The following CLYBL variants were observed in gnomAD, a reference collection of about 807,000 sequenced individuals.
CLYBL encodes citramalyl-CoA lyase, also known as citramalyl-CoA lyase, mitochondrial.
A neutral mutation model predicts 38.9 loss-of-function variants in CLYBL; 31 were observed. The ratio of observed to expected loss-of-function variants is 0.80; its 90% CI spans 0.60 to 1.08. CLYBL has a LOEUF of 1.08. CLYBL is among the 50% of genes least tolerant of loss of function. CLYBL has a pLI of 0.00. For missense variants in CLYBL, 434 were observed against 411.6 expected, an observed-to-expected ratio of 1.05 and a Z score of -0.47; for synonymous variants, 171 against 158.6, an observed-to-expected ratio of 1.08 and a Z score of -0.59.
In CLYBL at chr13:99,870,972, G is replaced by C. The variant is rs1594235825; in HGVS notation, c.837G>C (p.Val279=). The C allele has an allele frequency of 6.2e-7, 1 of 1,613,188 alleles. No homozygotes were observed. The highest frequency in any genetic ancestry group is 2.2e-5 in the East Asian group (1 of 44,874). ...KQVIHPNQIA[V]VQEQFSPSPE... ...TGATTCACCCTAACCAAATTGCCGT[G>C]GTCCAGGAGCAGTTTTCTCCTTCCC... The change falls in exon 7 of 9, where the codon GTG becomes GTC. Residue 279 remains valine (V), a synonymous_variant. Coordinates refer to ENST00000339105, the MANE Select transcript of CLYBL (RefSeq NM_206808.5).
At chr13:99,705,222 A>G (rs931746472) in intron 1 of CLYBL, among the ~76,000 whole-genome samples, 2 of 151,950 alleles carry the variant, frequency 1.3e-5, no homozygotes, top group African/African-American at 4.8e-5. Context: ...TGAATGGGTA[A>G]CTACAATGTG....
chr13:99,671,610 C>T (rs2793785), intron 1 of CLYBL, among the ~76,000 whole-genome samples: 121,935 of 151,742 alleles, frequency 0.8, 49,086 homozygotes, highest in East Asian at 0.84. Context: ...TGAAACCTCA[C>T]CTCTACTAAA....
Position 99,831,961 on chromosome 13 carries a change from T to G in CLYBL, c.250-26900T>G, listed in dbSNP as rs114980797. Among the ~76,000 whole-genome samples the G allele has an allele frequency of 4.0e-3, 602 of 152,358 alleles. 6 individuals are homozygous for G. The highest frequency in any genetic ancestry group is 0.014 in the African/African-American group (576 of 41,586). On this transcript the variant is annotated intron_variant, in intron 2 of 8. Transcript: ENST00000339105. ...ATCTGGTCTTTTGGCCAGAATTTCT[T>G]GGCCTCTTCTCAGAGCTCTGTCTCA...
chr13:99,866,756 A>G (rs1280391241), intron 6 of CLYBL, among the ~76,000 whole-genome samples: 5 of 151,778 alleles, frequency 3.3e-5, no homozygotes, highest in Admixed American at 1.3e-4. Context: ...ATTTTGGTTG[A>G]TGGACAGAAG....
At chr13:99,885,896 G>A (rs2052338081) in intron 7 of CLYBL, among the ~76,000 whole-genome samples, 1 of 152,156 alleles carries the variant, frequency 6.6e-6, no homozygotes, top group African/African-American at 2.4e-5. Context: ...ATCCCAGGAG[G>A]CCACAGCTGG....
chr13:99,646,671 C>T (rs1015555527), intron 1 of CLYBL, among the ~76,000 whole-genome samples: 5 of 147,864 alleles, frequency 3.4e-5, no homozygotes, highest in Non-Finnish European at 5.9e-5. Flanking sequence ...CGCTACCACA[C>T]CTGGCTAATT....
chr13:99,812,478 T>C lies in CLYBL; in HGVS notation c.249+39468T>C, dbSNP rs137903852. Among the ~76,000 whole-genome samples, 12 of 152,344 alleles carry C rather than the reference T, an allele frequency of 7.9e-5. No homozygotes were observed. The East Asian group carries it at 2.3e-3, about 29-fold the overall frequency. The stretch of plus-strand genomic sequence containing the variant: ...ATGGGTTTGGGAATCAGAAGGTGGC[T>C]GGGCCAGTATTAAATGCCCCTGTGG... On this transcript the variant is annotated intron_variant, in intron 2 of 8. Transcript: ENST00000339105.
At chr13:99,609,428 G>C (rs963348722) in intron 1 of CLYBL, among the ~76,000 whole-genome samples, 1 of 152,036 alleles carries the variant, frequency 6.6e-6, no homozygotes, top group Non-Finnish European at 1.5e-5. Context: ...ACCTGCCTTG[G>C]CCTCCCAAAG....
At chr13:99,667,037 G>T (rs780053173) in intron 1 of CLYBL, among the ~76,000 whole-genome samples, 1 of 152,098 alleles carries the variant, frequency 6.6e-6, no homozygotes, top group Non-Finnish European at 1.5e-5. Flanking sequence ...TTAGAGGTCT[G>T]CTTTAGAGAG....
chr13:99,756,539 G>C (rs2049065606), intron 1 of CLYBL, among the ~76,000 whole-genome samples: 1 of 152,198 alleles, frequency 6.6e-6, no homozygotes, highest in African/African-American at 2.4e-5. Context: ...ATGTGGCCCA[G>C]GACAGCTTTG....
Position 99,763,617 on chromosome 13 carries a change from C to T in CLYBL, c.63-9207C>T, listed in dbSNP as rs754374691. Among the ~76,000 whole-genome samples the T allele has an allele frequency of 2.0e-5, 3 of 148,074 alleles. No homozygotes were observed. The East Asian group carries it at 6.0e-4, about 30-fold the overall frequency. ...TTGCCCAGGCTGTAGTGCAGTGGCACGATCTCGGCTCACTGCAACCTCCGC... is the reference window on the plus strand; with the variant it reads ...TTGCCCAGGCTGTAGTGCAGTGGCATGATCTCGGCTCACTGCAACCTCCGC... On this transcript the variant is annotated intron_variant, in intron 1 of 8. Coordinates refer to ENST00000339105, the MANE Select transcript of CLYBL (RefSeq NM_206808.5).
rs542610999 is a variant in CLYBL, at chr13:99,711,791, C to T, written c.63-61033C>T. Among the ~76,000 whole-genome samples the T allele has an allele frequency of 6.0e-5, 9 of 149,270 alleles. No homozygotes were observed. In the East Asian group the frequency reaches 8.1e-4, roughly 13 times the overall value. On this transcript the variant is annotated intron_variant, in intron 1 of 8. Transcript: ENST00000339105. Reference sequence around the variant, plus strand: ...AGTCCAGTGGTGCCATCTTGGCTCACGGCAACCTTCACCTCCTGGGTTCAA... The same window carrying T: ...AGTCCAGTGGTGCCATCTTGGCTCATGGCAACCTTCACCTCCTGGGTTCAA...
chr13:99,855,721 A>G (rs116924713), intron 2 of CLYBL, among the ~76,000 whole-genome samples: 427 of 152,190 alleles, frequency 2.8e-3, no homozygotes, highest in Non-Finnish European at 4.8e-3. Flanking sequence ...CTTCCTCCCA[A>G]CCCAACAGAT....
At chr13:99,894,736 C>CGGGGG (rs71114646), downstream of CLYBL, 8 of 24,296 alleles carry the variant, frequency 3.3e-4, no homozygotes, top group African/African-American at 1.1e-3. Flanking sequence ...TTGCCTGAGG[C>CGGGGG]GGGGGGGGGG....
intron 2 of CLYBL, among the ~76,000 whole-genome samples, chr13:99,846,338 C>G (rs7317490): frequency 7.5e-6 from 1 of 132,918 alleles, no homozygotes; most frequent in African/African-American, 2.8e-5. Flanking sequence ...GTCACCCAGG[C>G]TGGAGTGCAG....
rs575808489 is a variant in CLYBL, at chr13:99,814,172, A to G, written c.249+41162A>G. The stretch of plus-strand genomic sequence containing the variant: ...AATTATATTGAAGATGATTATTACA[A>G]TGACATTTTCAAAAAGACAATTCTC... On this transcript the variant is annotated intron_variant, in intron 2 of 8. Transcript: ENST00000339105. Among the ~76,000 whole-genome samples, 4 of 152,308 alleles carry G rather than the reference A, an allele frequency of 2.6e-5. No homozygotes were observed. In the East Asian group the frequency reaches 5.8e-4, roughly 22 times the overall value.
intron 1 of CLYBL, among the ~76,000 whole-genome samples, chr13:99,693,804 T>C (rs61363629): frequency 0.033 from 5,093 of 152,236 alleles, 297 homozygotes; most frequent in African/African-American, 0.12. Flanking sequence ...ATTTTAAGAC[T>C]ATCTCAGAAG....
At chr13:99,862,245 T>C (rs1344055546) in intron 3 of CLYBL, among the ~76,000 whole-genome samples, 1 of 152,220 alleles carries the variant, frequency 6.6e-6, no homozygotes, top group African/African-American at 2.4e-5. Context: ...TCCCCACATC[T>C]TATTAGATCT....
intron 2 of CLYBL, among the ~76,000 whole-genome samples, chr13:99,842,575 C>T (rs898145074): frequency 6.6e-5 from 10 of 152,130 alleles, no homozygotes; most frequent in African/African-American, 2.4e-4. Context: ...GCTACCTTCC[C>T]AGTCCTCAAT....
Sources: allele counts gnomAD v4.1 joint callset (sites outside exome capture counted in the v4.1 genomes callset), GRCh38; gene constraint gnomAD v4.1.1; transcripts MANE v1.5; gene names NCBI Gene and HGNC (gene_info 2026-07-23, HGNC 2026-07-21).